NOVA1: variants seen among roughly 807,000 people sequenced by gnomAD.
NOVA1 encodes the protein RNA-binding protein Nova-1.
A neutral mutation model predicts 38.0 loss-of-function variants in NOVA1; 7 were observed. The observed-to-expected ratio is 0.18, with a 90% CI of 0.10 to 0.35. The LOEUF (loss-of-function observed/expected upper bound fraction) is 0.35, where lower values mean the gene tolerates loss of function less well. Ranked by LOEUF, NOVA1 falls within the 10% of genes least tolerant of loss-of-function variation. The probability of loss-of-function intolerance (pLI) is 1.00; values close to 1 mark genes in which losing one functional copy is unlikely to be tolerated. For synonymous variants in NOVA1, 270 were observed against 232.5 expected (o/e 1.16, Z -1.47); for missense variants, 460 against 616.0 (o/e 0.75, Z 2.68).
intron 2 of NOVA1, among the ~76,000 whole-genome samples, chr14:26,508,171 A>AT (rs766566831): frequency 5.9e-5 from 9 of 152,080 alleles, no homozygotes; most frequent in Non-Finnish European, 1.3e-4. Flanking sequence ...ATTGCAAGAG[A>AT]TAAGGTTATT....
In NOVA1 at chr14:26,446,003, T is replaced by A. The variant is rs1002036063; in HGVS notation, c.*1956A>T. Reference sequence around the variant, plus strand: ...TGTCAAAACTTACACAGCTACAGAGTATCGACGATAAATAGTCATTACCAA... The same window carrying A: ...TGTCAAAACTTACACAGCTACAGAGAATCGACGATAAATAGTCATTACCAA... On this transcript the variant is annotated 3_prime_UTR_variant, in exon 5 of 5. Coordinates refer to ENST00000539517, the MANE Select transcript of NOVA1 (RefSeq NM_002515.3). 1.3e-5 allele frequency: 2 copies of A among 152,546 alleles called. No individual in the cohort carries two copies. The highest frequency in any genetic ancestry group is 2.9e-5 in the Non-Finnish European group (2 of 68,022). The allele number at this position is 152,546 out of a possible 1,614,324, so 9.4% of individuals were successfully genotyped here. A position where few individuals can be genotyped will look rare whatever the true frequency, so the allele number is the denominator to read the frequency against.
intron 2 of NOVA1, among the ~76,000 whole-genome samples, chr14:26,485,410 A>C (rs557413229): frequency 6.6e-6 from 1 of 152,206 alleles, no homozygotes; most frequent in Non-Finnish European, 1.5e-5. Flanking sequence ...TTTATCATTT[A>C]AAAAGGGCAC....
chr14:26,561,284 G>A (rs1403409675), intron 2 of NOVA1, among the ~76,000 whole-genome samples: 1 of 152,176 alleles, frequency 6.6e-6, no homozygotes, highest in Non-Finnish European at 1.5e-5. Flanking sequence ...TAAGTTTGAG[G>A]ACTACTAACA....
At chr14:26,454,015 G>GTGTA (rs1882948173) in intron 4 of NOVA1, among the ~76,000 whole-genome samples, 1 of 152,074 alleles carries the variant, frequency 6.6e-6, no homozygotes, top group African/African-American at 2.4e-5. Flanking sequence ...CTCATTCTTA[G>GTGTA]TGTATGTGCC....
intron 2 of NOVA1, among the ~76,000 whole-genome samples, chr14:26,555,173 C>G (rs1268102845): frequency 6.6e-6 from 1 of 152,020 alleles, no homozygotes; most frequent in Non-Finnish European, 1.5e-5. Flanking sequence ...GTAGAGAATA[C>G]TTTGCTCTGA....
chr14:26,462,412 A>G (rs1883756531), intron 4 of NOVA1, among the ~76,000 whole-genome samples: 1 of 152,188 alleles, frequency 6.6e-6, no homozygotes, highest in Non-Finnish European at 1.5e-5. Context: ...TTATAAACTA[A>G]TGTGCTCTTA....
At chr14:26,471,038 T>C (rs1162844560) in intron 4 of NOVA1, among the ~76,000 whole-genome samples, 1 of 152,154 alleles carries the variant, frequency 6.6e-6, no homozygotes, top group African/African-American at 2.4e-5. Context: ...TGTCACTTTA[T>C]GTAGTACCAT....
chr14:26,595,212 G>A (rs1196429269), intron 2 of NOVA1, among the ~76,000 whole-genome samples, 198 bp downstream of exon 2: 1 of 151,952 alleles, frequency 6.6e-6, no homozygotes, highest in African/African-American at 2.4e-5. Flanking sequence ...CACATACACG[G>A]TACAACAATT....
rs551670533 is a variant in NOVA1 at position 26,498,356 on chromosome 14, G to A, written c.281-18213C>T. ...GCTGGAATTACAGGCGTGAGCCACC[G>A]TGCCTGGCTGTTAATATGGGATATT... On this transcript the variant is annotated intron_variant, in intron 2 of 4. Transcript: ENST00000539517. Among the ~76,000 whole-genome samples, 26 of 151,996 alleles carry A rather than the reference G, an allele frequency of 1.7e-4. No individual in the cohort carries two copies. In the South Asian group the frequency reaches 1.9e-3, roughly 11 times the overall value.
intron 2 of NOVA1, among the ~76,000 whole-genome samples, chr14:26,555,464 T>C (rs1047254064): frequency 2.6e-5 from 4 of 152,122 alleles, no homozygotes; most frequent in Non-Finnish European, 2.9e-5. Flanking sequence ...AATTATGACA[T>C]GTATATTCAA....
chr14:26,472,373 T>C lies in NOVA1; in HGVS notation c.466A>G (p.Thr156Ala), dbSNP rs984612256. The change falls in exon 4 of 5, where the codon ACT (threonine) becomes GCT (alanine). Residue 156 changes from threonine to alanine, a missense_variant. Transcript: ENST00000539517. ...TCAGATGGAGAGGACTTGGTGGTAG[T>C]TGGGGAAGATGGCAATGTCTGGGAA... is the stretch of plus-strand genomic sequence containing the variant. ...RIKQTLPSSP[T>A]TTKSSPSDPM... is the part of the protein sequence containing the mutation. 5.2e-6 allele frequency: 8 copies of C among 1,547,990 alleles called. No homozygotes were observed. The highest frequency in any genetic ancestry group is 4.1e-5 in the African/African-American group (3 of 73,452).
chr14:26,455,362 A>G (rs1280933204), intron 4 of NOVA1, among the ~76,000 whole-genome samples: 1 of 152,066 alleles, frequency 6.6e-6, no homozygotes, highest in Non-Finnish European at 1.5e-5. Context: ...ACAAATATAG[A>G]ATTGGCCATT....
At chr14:26,472,113 C>G (rs1884629214) in intron 4 of NOVA1, 1 of 477,308 alleles carries the variant, frequency 2.1e-6, no homozygotes, top group Non-Finnish European at 3.7e-6. Context: ...AGTTTAATAT[C>G]TGAATATAGT....
rs937324242 is a variant in NOVA1, at chr14:26,521,686, G to A, written c.281-41543C>T. ...AAAGATATAATAGTATGAAAATATC[G>A]AACAATTTAGTTGTAAAAGTAGATA... On this transcript the variant is annotated intron_variant, in intron 2 of 4. Coordinates refer to ENST00000539517, the MANE Select transcript of NOVA1 (RefSeq NM_002515.3). Among the ~76,000 whole-genome samples, 5 of 151,954 alleles carry A rather than the reference G, an allele frequency of 3.3e-5. No homozygotes were observed. The South Asian group carries it at 1.0e-3, about 32-fold the overall frequency.
At chr14:26,471,903 A>G (rs1884615541) in intron 4 of NOVA1, 1 of 209,460 alleles carries the variant, frequency 4.8e-6, no homozygotes, top group Non-Finnish European at 9.4e-6. Context: ...TAAAAAGCAA[A>G]TAAAATTGCA....
intron 2 of NOVA1, among the ~76,000 whole-genome samples, chr14:26,558,145 A>G (rs1891606546): frequency 6.6e-6 from 1 of 152,122 alleles, no homozygotes; most frequent in Non-Finnish European, 1.5e-5. Flanking sequence ...GGACAGGTAG[A>G]AAACAGGGAG....
chr14:26,457,408 G>T (rs1883272966), intron 4 of NOVA1, among the ~76,000 whole-genome samples: 1 of 152,006 alleles, frequency 6.6e-6, no homozygotes, highest in African/African-American at 2.4e-5. Flanking sequence ...ACAAAGTTTG[G>T]TTCAACCACA....
chr14:26,597,667 G>A lies in NOVA1; in HGVS notation c.-231C>T. ...AGCAGCTGCAGTGCAGTGTCAGAAA[G>A]GAGACAGGGGAATGGAGGGGGTGTG... On this transcript the variant is annotated 5_prime_UTR_variant, in exon 1 of 5. Transcript: ENST00000539517. 1.7e-6 allele frequency: 2 copies of A among 1,197,930 alleles called. No individual in the cohort carries two copies. The highest frequency in any genetic ancestry group is 2.1e-6 in the Non-Finnish European group (2 of 968,884). The allele number at this position is 1,197,930 out of a possible 1,614,324, so 74.2% of individuals were successfully genotyped here.
At chr14:26,486,084 A>G (rs1885861584) in intron 2 of NOVA1, among the ~76,000 whole-genome samples, 1 of 152,198 alleles carries the variant, frequency 6.6e-6, no homozygotes, top group Non-Finnish European at 1.5e-5. Flanking sequence ...TGGATAGCTA[A>G]TATTGTGATC....
Sources: allele counts gnomAD v4.1 joint callset (sites outside exome capture counted in the v4.1 genomes callset), GRCh38; gene constraint gnomAD v4.1.1; transcripts MANE v1.5; gene names NCBI Gene and HGNC (gene_info 2026-07-23, HGNC 2026-07-21).